The following UBA1 variants were observed in gnomAD, a reference collection of about 807,000 sequenced individuals.
UBA1 encodes the protein ubiquitin like modifier activating enzyme 1, also known as ubiquitin-like modifier-activating enzyme 1.
UBA1 carries 4 observed loss-of-function variants against 84.7 expected under a neutral mutation model. The observed-to-expected ratio is 0.05, with a 90% CI of 0.02 to 0.11. The LOEUF is 0.11. Among genes scored for constraint, UBA1 ranks in the 10% least tolerant of loss-of-function variants. The probability of loss-of-function intolerance (pLI) is 1.00; values close to 1 mark genes in which losing one functional copy is unlikely to be tolerated. For missense variants in UBA1, 513 were observed against 902.8 expected, an observed-to-expected ratio of 0.57 and a Z score of 5.53; for synonymous variants, 364 against 362.6, an observed-to-expected ratio of 1.00 and a Z score of -0.04.
chrX:47,196,565 G>T (rs1936213351), intron 1 of UBA1, among the ~76,000 whole-genome samples: 1 of 111,076 alleles, frequency 9.0e-6, no homozygotes, highest in Non-Finnish European at 1.9e-5. Context: ...GGTAGGAAGG[G>T]TGTAGATTGT....
At chrX:47,201,700 T>G (rs1602630911) in intron 8 of UBA1, 90 bp downstream of exon 8, 2 of 1,076,159 alleles carry the variant, frequency 1.9e-6, no homozygotes, top group East Asian at 3.1e-5. Flanking sequence ...GACATGGCCC[T>G]TGGTTCAGAG....
rs782356985 is a variant in UBA1 at position 47,214,786 on chromosome X, A to G, written c.3042-8A>G. On this transcript the variant is annotated splice_region_variant and splice_polypyrimidine_tract_variant and intron_variant, in intron 25 of 25. Transcript: ENST00000335972. ...CCTGACCCTATACTCCCATCCCCCTATCCCCAGGATGACAGAGATTGTGAG... is the reference window on the plus strand; with the variant it reads ...CCTGACCCTATACTCCCATCCCCCTGTCCCCAGGATGACAGAGATTGTGAG... 3 of 1,209,819 alleles carry G rather than the reference A, an allele frequency of 2.5e-6. No homozygotes were observed. Among genetic ancestry groups the G allele is most frequent in the South Asian group, 1.8e-5 (1 of 56,949 alleles).
chrX:47,197,213 A>G, intron 1 of UBA1: 4 of 754,932 alleles, frequency 5.3e-6, no homozygotes, highest in Non-Finnish European at 6.3e-6. Context: ...CCCTGAGCCC[A>G]GGGGCATTTG....
At chrX:47,193,344 C>T (rs1936095545), upstream of UBA1, among the ~76,000 whole-genome samples, 1 of 111,326 alleles carries the variant, frequency 9.0e-6, no homozygotes, top group African/African-American at 3.3e-5. Flanking sequence ...CAGCAATAGG[C>T]GGGCGTGCCC....
intron 1 of UBA1, chrX:47,197,815 C>G (rs781912923): frequency 6.4e-6 from 3 of 468,730 alleles, no homozygotes; most frequent in Non-Finnish European, 8.0e-6. Context: ...GTGTGGGAAC[C>G]TTGGTCACCG....
intron 14 of UBA1, 112 bp from the exon 15 acceptor site, chrX:47,205,836 G>C: frequency 1.1e-6 from 1 of 917,943 alleles, no homozygotes; most frequent in Non-Finnish European, 1.5e-6. Flanking sequence ...CCTGTGTGAT[G>C]GAGAGAGACC....
intron 1 of UBA1, chrX:47,198,038 C>T: frequency 1.1e-6 from 1 of 897,448 alleles, no homozygotes; most frequent in Non-Finnish European, 1.4e-6. Flanking sequence ...GCAGATGAGG[C>T]TTGGGATGTG....
chrX:47,199,246 A>G lies in UBA1; in HGVS notation c.214A>G (p.Thr72Ala). The change falls in exon 4 of 26, where the codon ACA becomes GCA. Residue 72 changes from threonine (T) to alanine (A), a missense_variant. Thr to Ala is a moderately conservative substitution (Grantham distance 58). This residue lies in a region of UBA1 where 227 missense variants were observed against 339.1 expected (regional missense o/e 0.67). Transcript: ENST00000335972. ...CCATGAGGCAATGAAGCGGCTCCAG[A>G]CATCCAGTGTCCTGGTATCAGGCCT... ...LGHEAMKRLQTSSVLVSGLRG... is the reference protein window; with the variant it reads ...LGHEAMKRLQASSVLVSGLRG... 1 of 1,212,307 alleles carries G rather than the reference A, an allele frequency of 8.2e-7. No homozygotes were observed. Among genetic ancestry groups the G allele is most frequent in the Non-Finnish European group, 1.1e-6 (1 of 895,587 alleles).
At chrX:47,214,040 C>A (rs1937040676) in intron 23 of UBA1, among the ~76,000 whole-genome samples, 1 of 110,907 alleles carries the variant, frequency 9.0e-6, no homozygotes, top group African/African-American at 3.3e-5. Flanking sequence ...GGGACACATT[C>A]CAGGCAGAGG....
rs782010641 is a variant in UBA1 at position 47,214,821 on chromosome X, G to A, written c.3069G>A (p.Ser1023=). 2.5e-6 allele frequency: 3 copies of A among 1,211,477 alleles called. No individual in the cohort carries two copies. The highest frequency in any genetic ancestry group is 3.3e-6 in the Non-Finnish European group (3 of 895,606). ...QPMTEIVSRV[S]KRKLGRHVRA... ...TGACAGAGATTGTGAGCCGTGTGTC[G>A]AAGCGAAAGCTGGGCCGCCACGTGC... is the stretch of plus-strand genomic sequence containing the variant. Residue 1023 remains serine (S), a synonymous_variant, in exon 26 of 26, where the codon TCG becomes TCA. Transcript: ENST00000335972.
chrX:47,196,675 A>C (rs370358347), intron 1 of UBA1, among the ~76,000 whole-genome samples: 9 of 111,511 alleles, frequency 8.1e-5, no homozygotes, highest in Non-Finnish European at 5.6e-5. Context: ...TTTGCAGTCA[A>C]AATCCACTTG....
At position 47,203,487 on chromosome X, in the gene UBA1, A is replaced by G. The variant is rs373747086; in HGVS notation, c.1420-54A>G. On this transcript the variant is annotated intron_variant, in intron 13 of 25. Transcript: ENST00000335972. ...AGTGAGGGGTGATGGGTAGCTTCAC[A>G]CTAACCTGCATCACCCTGACCAGCC... is the stretch of plus-strand genomic sequence containing the variant. 3.1e-4 allele frequency: 367 copies of G among 1,197,763 alleles called. 5 individuals carry two copies. The Middle Eastern group carries it at 0.015, about 48-fold the overall frequency.
At chrX:47,198,722 C>A in intron 1 of UBA1, 81 bp from the exon 2 acceptor site, 1 of 968,374 alleles carries the variant, frequency 1.0e-6, no homozygotes, top group Non-Finnish European at 1.5e-6. Flanking sequence ...TAAGTCTTCC[C>A]TTCCCCCACA....
At chrX:47,197,075 T>G in intron 1 of UBA1, 1 of 750,351 alleles carries the variant, frequency 1.3e-6, no homozygotes, top group Non-Finnish European at 1.6e-6. Flanking sequence ...TTGTCTCTAC[T>G]AACTCACCAA....
In UBA1 at chrX:47,199,504, G is replaced by C; in HGVS notation, c.370G>C (p.Gly124Arg). Residue 124 changes from glycine to arginine, a missense_variant, in exon 5 of 26, where the codon GGT (glycine) becomes CGT (arginine). Gly to Arg is a moderately radical substitution (Grantham distance 125). Coordinates refer to ENST00000335972, the MANE Select transcript of UBA1 (RefSeq NM_003334.4). ...GTTCTACCTGCGGGAGGAGGACATC[G>C]GTAAAAACCGGGCCGAGGTATCACA... ...SQFYLREEDI[G>R]KNRAEVSQPR... The C allele has an allele frequency of 8.3e-7, 1 of 1,211,677 alleles. No individual in the cohort carries two copies. Among genetic ancestry groups the C allele is most frequent in the Non-Finnish European group, 1.1e-6 (1 of 895,516 alleles).
Position 47,213,062 on chromosome X carries a change from C to T in UBA1, c.2719C>T (p.Leu907=), listed in dbSNP as rs1556794004. The T allele has an allele frequency of 8.2e-7, 1 of 1,212,189 alleles. No homozygotes were observed. Among genetic ancestry groups the T allele is most frequent in the South Asian group, 1.8e-5 (1 of 57,022 alleles). The change falls in exon 23 of 26, where the codon CTG becomes TTG. Residue 907 remains leucine (L), a synonymous_variant. Transcript: ENST00000335972. ...TTAAVVGLVC[L]ELYKVVQGHR... is the part of the protein sequence containing the mutation. ...AGCAGCCGTGGTTGGCCTTGTGTGT[C>T]TGGAGCTGTACAAGGTTGTGCAGGG...
At chrX:47,210,778 G>A (rs931585947) in intron 18 of UBA1, 64 bp from the exon 19 acceptor site, 49 of 1,109,442 alleles carry the variant, frequency 4.4e-5, no homozygotes, top group African/African-American at 1.1e-4. Flanking sequence ...TAGGTGAAGC[G>A]TGAAGATTGT....
At chrX:47,201,750 C>A in intron 8 of UBA1, 140 bp downstream of exon 8, 1 of 742,374 alleles carries the variant, frequency 1.3e-6, no homozygotes, top group African/African-American at 2.1e-5. Flanking sequence ...GAACTACAGA[C>A]AATCCTGTGG....
At chrX:47,198,765 T>G in intron 1 of UBA1, 38 bp from the exon 2 acceptor site, 1 of 1,176,159 alleles carries the variant, frequency 8.5e-7, no homozygotes, top group Non-Finnish European at 1.2e-6. Flanking sequence ...ACGGTACCCA[T>G]GTGCTCCAGG....
Sources: allele counts gnomAD v4.1 joint callset (sites outside exome capture counted in the v4.1 genomes callset), GRCh38; gene constraint gnomAD v4.1.1; regional missense constraint gnomAD v4.1.1; transcripts MANE v1.5; gene names NCBI Gene and HGNC (gene_info 2026-07-23, HGNC 2026-07-21).